Variants in DPYD observed in about 807,000 individuals in gnomAD.
The protein encoded by DPYD is dihydropyrimidine dehydrogenase, also known as dihydropyrimidine dehydrogenase [NADP(+)].
DPYD carries 109 observed loss-of-function variants against 116.2 expected under a neutral mutation model. The observed-to-expected ratio is 0.94, with a 90% CI of 0.80 to 1.10. The LOEUF (loss-of-function observed/expected upper bound fraction) is 1.10. Among genes scored for constraint, DPYD ranks in the 50% least tolerant of loss-of-function variants. The probability of loss-of-function intolerance (pLI) is 0.00; values close to 1 mark genes in which losing one functional copy is unlikely to be tolerated. For synonymous variants in DPYD, 440 were observed against 432.0 expected, an observed-to-expected ratio of 1.02 and a Z score of -0.23; for missense variants, 1,302 against 1,254.5, an observed-to-expected ratio of 1.04 and a Z score of -0.57.
intron 20 of DPYD, among the ~76,000 whole-genome samples, chr1:97,150,625 T>G (rs1446344864): frequency 6.6e-6 from 1 of 152,188 alleles, no homozygotes; most frequent in Non-Finnish European, 1.5e-5. Context: ...TATATGAATA[T>G]TTATTTCTCT....
rs574823730 is a variant in DPYD, at chr1:97,840,240, C to G, written c.151-12044G>C. On this transcript the variant is annotated intron_variant, in intron 2 of 22. Transcript: ENST00000370192. ...AAATTATAAAGTGTTTTTTTAAATGCACGACAAAAAAAAACCCAGAACACC... is the reference window on the plus strand; with the variant it reads ...AAATTATAAAGTGTTTTTTTAAATGGACGACAAAAAAAAACCCAGAACACC... Among the ~76,000 whole-genome samples the G allele has an allele frequency of 6.1e-4, 92 of 151,254 alleles. 2 individuals are homozygous for G. In the South Asian group the frequency reaches 0.012, roughly 20 times the overall value.
intron 20 of DPYD, among the ~76,000 whole-genome samples, chr1:97,166,041 G>A (rs921980003): frequency 3.9e-5 from 6 of 151,998 alleles, no homozygotes; most frequent in Non-Finnish European, 5.9e-5. Context: ...GCTTAAAAAA[G>A]AACTACCATT....
chr1:97,174,339 G>A (rs1025355024), intron 20 of DPYD, among the ~76,000 whole-genome samples: 2 of 152,130 alleles, frequency 1.3e-5, no homozygotes, highest in Non-Finnish European at 2.9e-5. Flanking sequence ...TCTTTAAGAA[G>A]CAGCTTCTCC....
At chr1:97,574,434 T>C (rs1653128996) in intron 10 of DPYD, among the ~76,000 whole-genome samples, 1 of 152,050 alleles carries the variant, frequency 6.6e-6, no homozygotes, top group African/African-American at 2.4e-5. Flanking sequence ...ATGATTAGAA[T>C]GGTAGGTAGG....
intron 19 of DPYD, among the ~76,000 whole-genome samples, chr1:97,216,266 A>G (rs1315422505): frequency 6.9e-6 from 1 of 144,070 alleles, no homozygotes; most frequent in Non-Finnish European, 1.5e-5. Context: ...ACAGATACAT[A>G]GTTTGAGAGA....
intron 8 of DPYD, among the ~76,000 whole-genome samples, chr1:97,626,527 C>T (rs1055693713): frequency 3.9e-5 from 6 of 152,030 alleles, no homozygotes; most frequent in Non-Finnish European, 7.4e-5. Context: ...CTCTGCCTAA[C>T]TGAAAATTGG....
intron 20 of DPYD, among the ~76,000 whole-genome samples, chr1:97,111,720 A>T (rs1055359901): frequency 2.0e-5 from 3 of 152,138 alleles, no homozygotes; most frequent in South Asian, 2.1e-4. Flanking sequence ...AATGTTCACT[A>T]ATCTTATTTA....
At chr1:97,288,653 A>C (rs1181491082) in intron 18 of DPYD, among the ~76,000 whole-genome samples, 1 of 144,272 alleles carries the variant, frequency 6.9e-6, no homozygotes, top group South Asian at 2.5e-4. Flanking sequence ...ACAAAGACAC[A>C]ACATACCAGA....
chr1:97,591,254 C>T (rs1053193310), intron 10 of DPYD, among the ~76,000 whole-genome samples: 2 of 152,208 alleles, frequency 1.3e-5, no homozygotes, highest in Non-Finnish European at 2.9e-5. Flanking sequence ...ATCTCTCACA[C>T]ACTCATTATA....
chr1:97,118,652 G>C (rs1050062284), intron 20 of DPYD, among the ~76,000 whole-genome samples: 11 of 152,102 alleles, frequency 7.2e-5, no homozygotes, highest in African/African-American at 2.7e-4. Context: ...AGGTTCTAGG[G>C]CTTTGTTTTA....
At chr1:97,462,272 G>A (rs1002735704) in intron 13 of DPYD, among the ~76,000 whole-genome samples, 2 of 152,174 alleles carry the variant, frequency 1.3e-5, no homozygotes, top group Non-Finnish European at 1.5e-5. Context: ...GGATTTGTTA[G>A]TTAGTTCAAA....
At chr1:97,188,388 A>T (rs6693034) in intron 20 of DPYD, among the ~76,000 whole-genome samples, 1 of 151,990 alleles carries the variant, frequency 6.6e-6, no homozygotes, top group Non-Finnish European at 1.5e-5. Context: ...TTATACATTG[A>T]CTTTCTTTTT....
chr1:97,481,782 A>T (rs1678329927), intron 13 of DPYD, among the ~76,000 whole-genome samples: 1 of 152,198 alleles, frequency 6.6e-6, no homozygotes, highest in South Asian at 2.1e-4. Flanking sequence ...TTCATAATTG[A>T]TAGCTGCATT....
At chr1:97,691,851 T>C (rs1213026637) in intron 6 of DPYD, 53 bp from the exon 7 acceptor site, 3 of 1,418,100 alleles carry the variant, frequency 2.1e-6, no homozygotes, top group Non-Finnish European at 3.0e-6. Context: ...TGACCAATCT[T>C]TGACCAATCT....
intron 5 of DPYD, among the ~76,000 whole-genome samples, chr1:97,705,763 G>T (rs1661907729): frequency 6.6e-6 from 1 of 152,070 alleles, no homozygotes; most frequent in Non-Finnish European, 1.5e-5. Flanking sequence ...GTGTAAAAGT[G>T]TTCCTATTTG....
At chr1:97,359,567 G>A (rs1263087189) in intron 16 of DPYD, among the ~76,000 whole-genome samples, 1 of 152,086 alleles carries the variant, frequency 6.6e-6, no homozygotes, top group South Asian at 2.1e-4. Context: ...GAGAAAGGTC[G>A]GGTTACCAAC....
In DPYD at chr1:97,705,977, G is replaced by T. The variant is rs537450809; in HGVS notation, c.484-6430C>A. ...ATATCCTTCGCCCACTTTTTGATGGGTTTTTTTTCTTGTAAATTTGTTTTT... is the reference window on the plus strand; with the variant it reads ...ATATCCTTCGCCCACTTTTTGATGGTTTTTTTTTCTTGTAAATTTGTTTTT... On this transcript the variant is annotated intron_variant, in intron 5 of 22. Coordinates refer to ENST00000370192, the MANE Select transcript of DPYD (RefSeq NM_000110.4). 2.5e-3 allele frequency among the ~76,000 whole-genome samples: 379 copies of T among 151,242 alleles called. 5 individuals carry two copies. Among genetic ancestry groups the T allele is most frequent in the African/African-American group, 8.5e-3 (351 of 41,216 alleles).
At chr1:97,385,330 A>T (rs2101579470) in intron 14 of DPYD, among the ~76,000 whole-genome samples, 1 of 137,540 alleles carries the variant, frequency 7.3e-6, no homozygotes, top group African/African-American at 2.7e-5. Context: ...AGAGAGAGAG[A>T]TTAAGGACCT....
intron 13 of DPYD, among the ~76,000 whole-genome samples, chr1:97,475,181 A>C (rs1373379144): frequency 6.6e-6 from 1 of 152,168 alleles, no homozygotes; most frequent in Non-Finnish European, 1.5e-5. Context: ...GTTAGGCTAT[A>C]ATATTAAATT....
Sources: allele counts gnomAD v4.1 joint callset (sites outside exome capture counted in the v4.1 genomes callset), GRCh38; gene constraint gnomAD v4.1.1; transcripts MANE v1.5; gene names NCBI Gene and HGNC (gene_info 2026-07-23, HGNC 2026-07-21).